The following MAN2A2 variants were observed in gnomAD, a reference collection of about 807,000 sequenced individuals.
The protein encoded by MAN2A2 is alpha-mannosidase 2x.
A neutral mutation model predicts 126.8 loss-of-function variants in MAN2A2; 79 were observed. The ratio of observed to expected loss-of-function variants is 0.62; its 90% CI spans 0.52 to 0.75. The LOEUF is 0.75. Ranked by LOEUF, MAN2A2 falls within the 30% of genes least tolerant of loss-of-function variation. The pLI is 0.00. For synonymous variants in MAN2A2, 671 were observed against 618.7 expected, an observed-to-expected ratio of 1.08 and a Z score of -1.25; for missense variants, 1,392 against 1,522.4, an observed-to-expected ratio of 0.91 and a Z score of 1.43.
At position 90,912,166 on chromosome 15, in the gene MAN2A2, G is replaced by T; in HGVS notation, c.2233G>T (p.Val745Phe). The T allele has an allele frequency of 6.2e-7, 1 of 1,614,026 alleles. No homozygotes were observed. Among genetic ancestry groups the T allele is most frequent in the Non-Finnish European group, 8.5e-7 (1 of 1,179,986 alleles). ...CTACCTGCACGGCCGGCAGCTGTCC[G>T]TCAGCAGGCACGAAGCGTTTCCTCT... ...RIYLHGRQLS[V>F]SRHEAFPLRV... Residue 745 changes from valine (V) to phenylalanine (F), a missense_variant, in exon 15 of 23, where the codon GTC becomes TTC. By Grantham distance (50) the Val-to-Phe change is conservative (BLOSUM62 -1). Transcript: ENST00000559717.
chr15:90,911,764 A>G, intron 14 of MAN2A2: 2 of 616,816 alleles, frequency 3.2e-6, no homozygotes, highest in Non-Finnish European at 2.8e-6. Context: ...GGTAATAGTA[A>G]TGGTAAAAAT....
chr15:90,919,059 C>T (rs1414262796), intron 22 of MAN2A2, among the ~76,000 whole-genome samples: 1 of 152,200 alleles, frequency 6.6e-6, no homozygotes, highest in Admixed American at 6.5e-5. Flanking sequence ...TATCAGCCGG[C>T]ACTGATAAAT....
In MAN2A2 at chr15:90,920,957, T is replaced by A. The variant is rs188839854; in HGVS notation, c.*1170T>A. 2 of 152,304 alleles carry A rather than the reference T, an allele frequency of 1.3e-5. No homozygotes were observed. The highest frequency in any genetic ancestry group is 4.8e-5 in the African/African-American group (2 of 41,554). The allele number at this position is 152,304 out of a possible 1,614,324, so 9.4% of individuals were successfully genotyped here. A position where few individuals can be genotyped will look rare whatever the true frequency, so the allele number is the denominator to read the frequency against. ...TTATTAAAACTCTTAGTAAATTAAGTCTGGAAAGAAACACCCTAATCTAGA... is the reference window on the plus strand; with the variant it reads ...TTATTAAAACTCTTAGTAAATTAAGACTGGAAAGAAACACCCTAATCTAGA... On this transcript the variant is annotated 3_prime_UTR_variant, in exon 23 of 23. Transcript: ENST00000559717.
rs374689013 is a variant in MAN2A2 at position 90,912,235 on chromosome 15, C to T, written c.2302C>T (p.Arg768Cys). Residue 768 changes from arginine (R) to cysteine (C), a missense_variant, in exon 15 of 23, where the codon CGC (arginine) becomes TGC (cysteine). Physicochemically the swap from Arg to Cys is radical, Grantham distance 180. Coordinates refer to ENST00000559717, the MANE Select transcript of MAN2A2 (RefSeq NM_006122.4). ...SGTSDFALSN[R>C]YMQVWFSGLT... ...CACCAGCGACTTCGCCCTCAGCAAC[C>T]GCTACATGCAGGTCTGGTTCTCAGG... 30 of 1,614,132 alleles carry T rather than the reference C, an allele frequency of 1.9e-5. No homozygotes were observed. The highest frequency in any genetic ancestry group is 8.9e-5 in the East Asian group (4 of 44,906).
chr15:90,907,433 G>T lies in MAN2A2; in HGVS notation c.1134G>T (p.Gly378=). The change falls in exon 8 of 23, where the codon GGG becomes GGT. Residue 378 remains glycine (G), a synonymous_variant. Transcript: ENST00000559717. ...CQFDFKRLPG[G]RINCPWKVPP... The stretch of plus-strand genomic sequence containing the variant: ...TTGATTTCAAACGCCTGCCTGGTGG[G>T]CGCATCAACTGCCCTTGGAAGGTGC... 6.2e-7 allele frequency: 1 copy of T among 1,614,038 alleles called. No individual in the cohort carries two copies. The highest frequency in any genetic ancestry group is 8.5e-7 in the Non-Finnish European group (1 of 1,180,034).
chr15:90,910,718 T>C, intron 11 of MAN2A2, 35 bp downstream of exon 11: 1 of 1,610,744 alleles, frequency 6.2e-7, no homozygotes, highest in Non-Finnish European at 8.5e-7. Context: ...TAAGCTCCCC[T>C]GCTCACTGTC....
intron 2 of MAN2A2, 33 bp from the exon 3 acceptor site, chr15:90,905,218 G>A (rs1162754329): frequency 3.7e-6 from 6 of 1,603,842 alleles, no homozygotes; most frequent in Non-Finnish European, 5.1e-6. Context: ...GGCATAAGGA[G>A]CTGTGTGTGA....
At chr15:90,914,199 A>G (rs2034995607) in intron 19 of MAN2A2, among the ~76,000 whole-genome samples, 1 of 152,214 alleles carries the variant, frequency 6.6e-6, no homozygotes, top group South Asian at 2.1e-4. Context: ...ATTTGGTGGC[A>G]CGTGCCTATA....
At chr15:90,915,885 G>C (rs2035134422) in intron 19 of MAN2A2, 4 of 486,284 alleles carry the variant, frequency 8.2e-6, no homozygotes, top group Non-Finnish European at 1.5e-5. Flanking sequence ...AAACTGCCAG[G>C]GCCAGCCTTC....
At position 90,916,590 on chromosome 15, in the gene MAN2A2, AC is replaced by A. The variant is rs749664770; in HGVS notation, c.2994+335del. On this transcript the variant is annotated intron_variant, in intron 20 of 22. Transcript: ENST00000559717. ...TGGCTTTCTTTGCCCCACCAGCCTG[AC>A]TTTTTCTCCAAACTGGCAGCCATGT... 2.2e-6 allele frequency: 3 copies of A among 1,342,256 alleles called. No homozygotes were observed. In the South Asian group the frequency reaches 3.7e-5, roughly 16 times the overall value. 83.1% of individuals were successfully genotyped at this position (1,342,256 alleles called of 1,614,324 possible). A position where few individuals can be genotyped will look rare whatever the true frequency, so the allele number is the denominator to read the frequency against.
chr15:90,913,934 C>T (rs550397240), intron 19 of MAN2A2, among the ~76,000 whole-genome samples, 179 bp downstream of exon 19: 1 of 152,344 alleles, frequency 6.6e-6, no homozygotes, highest in Admixed American at 6.5e-5. Context: ...ATCTGCTGTC[C>T]CCATCCCCTG....
At position 90,906,486 on chromosome 15, in the gene MAN2A2, A is replaced by T. The variant is rs754872289; in HGVS notation, c.824A>T (p.Glu275Val). Reference sequence around the variant, plus strand: ...CTCATCGAAGGACACCAGTGGCTGGAGAGAAATCTTGGTAAGTCCAGGCCC... The same window carrying T: ...CTCATCGAAGGACACCAGTGGCTGGTGAGAAATCTTGGTAAGTCCAGGCCC... Reference protein sequence around the residue: ...DQLIEGHQWLERNLGATPRSG... With the variant: ...DQLIEGHQWLVRNLGATPRSG... Residue 275 changes from glutamate to valine, a missense_variant, in exon 6 of 23, where the codon GAG (glutamate) becomes GTG (valine). Physicochemically the swap from Glu to Val is moderately radical, Grantham distance 121 (BLOSUM62 -2). Coordinates refer to ENST00000559717, the MANE Select transcript of MAN2A2 (RefSeq NM_006122.4). The T allele has an allele frequency of 3.7e-6, 6 of 1,613,910 alleles. No individual in the cohort carries two copies. In the East Asian group the frequency reaches 1.3e-4, roughly 36 times the overall value.
chr15:90,912,355 C>T (rs751974525), intron 15 of MAN2A2, 76 bp downstream of exon 15: 8 of 1,575,544 alleles, frequency 5.1e-6, no homozygotes, highest in Non-Finnish European at 7.0e-6. Flanking sequence ...TGCAGAGCGG[C>T]CTCCCGGCCC....
chr15:90,912,849 T>C lies in MAN2A2; in HGVS notation c.2470-28T>C, dbSNP rs751782610. On this transcript the variant is annotated intron_variant, in intron 16 of 22. Transcript: ENST00000559717. ...TCCTGCTTTGCCCTCTGTGCTGTAG[T>C]TTCAACAGCAATCTGCTCTTTCTCT... The C allele has an allele frequency of 5.2e-5, 83 of 1,589,982 alleles. No homozygotes were observed. In the South Asian group the frequency reaches 9.0e-4, roughly 17 times the overall value.
intron 22 of MAN2A2, among the ~76,000 whole-genome samples, chr15:90,919,273 G>A (rs2035420513): frequency 6.6e-6 from 1 of 152,214 alleles, no homozygotes; most frequent in Admixed American, 6.5e-5. Flanking sequence ...TTGCTGAGAG[G>A]GGCCAGCCGG....
intron 17 of MAN2A2, 24 bp downstream of exon 17, chr15:90,913,015 G>T: frequency 6.3e-7 from 1 of 1,589,962 alleles, no homozygotes; most frequent in Non-Finnish European, 8.6e-7. Context: ...ATGAGGAAGG[G>T]TCTGGAAGGA....
intron 19 of MAN2A2, among the ~76,000 whole-genome samples, chr15:90,914,573 G>A (rs886135673): frequency 2.0e-5 from 3 of 152,066 alleles, no homozygotes; most frequent in African/African-American, 7.2e-5. Flanking sequence ...AGGCTGGAGT[G>A]CAGTGGTGCA....
chr15:90,916,712 G>A (rs1163617701), intron 20 of MAN2A2: 87 of 1,257,286 alleles, frequency 6.9e-5, no homozygotes, highest in Non-Finnish European at 8.1e-5. Flanking sequence ...GTGTAGCTGC[G>A]CCAGAGCCCA....
chr15:90,913,809 C>T (rs2034966401), intron 19 of MAN2A2, 54 bp downstream of exon 19: 10 of 1,524,914 alleles, frequency 6.6e-6, no homozygotes, highest in African/African-American at 1.4e-5. Context: ...GAAGCCCGTC[C>T]CCACCCTCAA....
Sources: gnomAD v4.1 joint callset for allele counts (sites outside exome capture counted in the v4.1 genomes callset) on GRCh38, gnomAD v4.1.1 for gene constraint, MANE v1.5 for transcripts, NCBI Gene and HGNC (gene_info 2026-07-23, HGNC 2026-07-21) for gene names.